Variants in SLC10A7 observed in about 807,000 individuals in gnomAD.
SLC10A7 encodes sodium/bile acid cotransporter 7.
In SLC10A7, 29 loss-of-function variants were observed where a neutral mutation model predicts 43.2. That is an observed-to-expected ratio of 0.67 (90% CI 0.50 to 0.92). SLC10A7 has a LOEUF of 0.92. Ranked by LOEUF, SLC10A7 falls within the 40% of genes least tolerant of loss-of-function variation. The probability of loss-of-function intolerance (pLI) is 0.00; values close to 1 mark genes in which losing one functional copy is unlikely to be tolerated. For synonymous variants in SLC10A7, 152 were observed against 144.8 expected (o/e 1.05, Z -0.35); for missense variants, 295 against 403.2 (o/e 0.73, Z 2.30).
chr4:146,448,073 G>C (rs560620929), intron 4 of SLC10A7, among the ~76,000 whole-genome samples: 4 of 151,954 alleles, frequency 2.6e-5, no homozygotes, highest in African/African-American at 2.4e-5. Flanking sequence ...GTTGTGGGGT[G>C]GGGGGAGCGG....
chr4:146,427,566 T>A (rs1177085109), intron 5 of SLC10A7, among the ~76,000 whole-genome samples: 1 of 152,148 alleles, frequency 6.6e-6, no homozygotes, highest in Non-Finnish European at 1.5e-5. Context: ...AGGAAAAATA[T>A]CTGTGAATTA....
chr4:146,407,224 A>G (rs1727781648), intron 5 of SLC10A7, among the ~76,000 whole-genome samples: 1 of 152,198 alleles, frequency 6.6e-6, no homozygotes, highest in African/African-American at 2.4e-5. Context: ...AAGCAGTTTT[A>G]TTGAGGTATA....
intron 10 of SLC10A7, among the ~76,000 whole-genome samples, chr4:146,267,149 T>C (rs1003955791): frequency 6.6e-6 from 1 of 152,178 alleles, no homozygotes; most frequent in Non-Finnish European, 1.5e-5. Flanking sequence ...TGAAAAAAGA[T>C]GTTAGATAAA....
At chr4:146,407,667 G>C (rs1727828670) in intron 5 of SLC10A7, among the ~76,000 whole-genome samples, 2 of 152,176 alleles carry the variant, frequency 1.3e-5, no homozygotes, top group African/African-American at 4.8e-5. Flanking sequence ...TACTGTGCCA[G>C]ACTATTAACT....
At position 146,521,598 on chromosome 4, in the gene SLC10A7, G is replaced by A. The variant is rs182882951; in HGVS notation, c.100+20C>T. On this transcript the variant is annotated intron_variant, in intron 1 of 11. Coordinates refer to ENST00000335472, the MANE Select transcript of SLC10A7 (RefSeq NM_001029998.6). Reference sequence around the variant, plus strand: ...CTGAAGTGGGAGCCGCGGTGGAGCCGGCAGAGGTGCAGCACTTACCCCCAT... The same window carrying A: ...CTGAAGTGGGAGCCGCGGTGGAGCCAGCAGAGGTGCAGCACTTACCCCCAT... 96 of 1,597,896 alleles carry A rather than the reference G, an allele frequency of 6.0e-5. No individual in the cohort carries two copies. The East Asian group carries it at 1.7e-3, about 28-fold the overall frequency.
At chr4:146,481,663 C>T (rs1437626125) in intron 4 of SLC10A7, among the ~76,000 whole-genome samples, 2 of 152,206 alleles carry the variant, frequency 1.3e-5, no homozygotes, top group African/African-American at 4.8e-5. Flanking sequence ...AGGGTTTGGG[C>T]TGCTAGGGTA....
intron 5 of SLC10A7, among the ~76,000 whole-genome samples, chr4:146,328,201 G>A (rs893504210): frequency 4.6e-5 from 7 of 151,388 alleles, no homozygotes; most frequent in African/African-American, 1.7e-4. Flanking sequence ...GAGAACCTGG[G>A]GATTAACCCA....
At chr4:146,326,941 C>T (rs186265668) in intron 5 of SLC10A7, among the ~76,000 whole-genome samples, 72,307 of 140,518 alleles carry the variant, frequency 0.51, 17,792 homozygotes, top group East Asian at 0.64. Flanking sequence ...CACACACACA[C>T]ACACACACAC....
intron 8 of SLC10A7, among the ~76,000 whole-genome samples, chr4:146,293,651 T>G (rs1730590001): frequency 6.6e-6 from 1 of 152,090 alleles, no homozygotes; most frequent in Non-Finnish European, 1.5e-5. Context: ...TAATCTAACA[T>G]TTGCATCTGA....
chr4:146,330,904 T>C (rs78502390), intron 5 of SLC10A7, among the ~76,000 whole-genome samples: 10,387 of 152,086 alleles, frequency 0.068, 467 homozygotes, highest in South Asian at 0.19. Context: ...CAAATCACTA[T>C]CACTGCTGCT....
intron 4 of SLC10A7, among the ~76,000 whole-genome samples, chr4:146,473,215 G>A (rs978406745): frequency 3.0e-4 from 45 of 152,166 alleles, no homozygotes; most frequent in African/African-American, 8.9e-4. Context: ...TACTACAACC[G>A]GCTGACGGTA....
intron 4 of SLC10A7, among the ~76,000 whole-genome samples, chr4:146,480,024 G>T (rs539114895): frequency 6.6e-6 from 1 of 151,504 alleles, no homozygotes; most frequent in East Asian, 1.9e-4. Context: ...TCCCCTAGAT[G>T]TCTGACTTTT....
chr4:146,434,321 AT>A (rs33994201), intron 5 of SLC10A7, among the ~76,000 whole-genome samples: 81,179 of 151,934 alleles, frequency 0.53, 22,267 homozygotes, highest in East Asian at 0.64. Context: ...TTTGAAAGTT[AT>A]TTTTTAACAC....
At chr4:146,425,566 G>T (rs1440334488) in intron 5 of SLC10A7, among the ~76,000 whole-genome samples, 6 of 152,222 alleles carry the variant, frequency 3.9e-5, no homozygotes, top group South Asian at 2.1e-4. Flanking sequence ...ATACAAAATG[G>T]AAATACTAAT....
intron 4 of SLC10A7, among the ~76,000 whole-genome samples, chr4:146,503,632 C>G (rs975845408): frequency 6.6e-6 from 1 of 152,206 alleles, no homozygotes. Flanking sequence ...CTCTATTTCA[C>G]TCATTTCCCT....
intron 6 of SLC10A7, among the ~76,000 whole-genome samples, chr4:146,323,023 C>T (rs60175042): frequency 0.065 from 9,834 of 152,168 alleles, 426 homozygotes; most frequent in South Asian, 0.19. Flanking sequence ...ATGTTTTCTT[C>T]TGAGAAATGT....
chr4:146,354,112 A>G (rs1416347769), intron 5 of SLC10A7, among the ~76,000 whole-genome samples: 1 of 148,528 alleles, frequency 6.7e-6, no homozygotes, highest in Non-Finnish European at 1.5e-5. Flanking sequence ...CTGTTTGCAG[A>G]CGACATGATT....
chr4:146,495,645 A>C (rs916214208), intron 4 of SLC10A7, among the ~76,000 whole-genome samples: 7 of 152,124 alleles, frequency 4.6e-5, no homozygotes, highest in African/African-American at 1.7e-4. Flanking sequence ...ATACACTCAG[A>C]CTTCTATGAC....
intron 5 of SLC10A7, among the ~76,000 whole-genome samples, chr4:146,336,960 G>A (rs958583037): frequency 1.1e-4 from 16 of 151,926 alleles, no homozygotes; most frequent in African/African-American, 3.6e-4. Context: ...AACTGAAAAA[G>A]CAAACCTTCA....
Sources: gnomAD v4.1 joint callset for allele counts (sites outside exome capture counted in the v4.1 genomes callset) on GRCh38, gnomAD v4.1.1 for gene constraint, MANE v1.5 for transcripts, NCBI Gene and HGNC (gene_info 2026-07-23, HGNC 2026-07-21) for gene names.